RBM20: variants seen among roughly 807,000 people sequenced by gnomAD.
RBM20 encodes the protein RNA-binding protein 20.
RBM20 carries 51 observed loss-of-function variants against 110.1 expected under a neutral mutation model. The observed-to-expected ratio is 0.46, with a 90% CI of 0.37 to 0.59. The LOEUF (loss-of-function observed/expected upper bound fraction) is 0.59, where lower values mean the gene tolerates loss of function less well. RBM20 is among the 20% of genes least tolerant of loss of function. RBM20 has a pLI of 0.00. For missense variants in RBM20, 1,512 were observed against 1,574.9 expected, an observed-to-expected ratio of 0.96 and a Z score of 0.68; for synonymous variants, 589 against 618.2, an observed-to-expected ratio of 0.95 and a Z score of 0.70.
chr10:110,698,119 A>C (rs1042975142), intron 1 of RBM20, among the ~76,000 whole-genome samples: 5 of 152,052 alleles, frequency 3.3e-5, no homozygotes, highest in African/African-American at 1.2e-4. Flanking sequence ...TGTGTTAGCC[A>C]GGATAGTCTC....
intron 1 of RBM20, among the ~76,000 whole-genome samples, chr10:110,723,442 A>T (rs1843530628): frequency 1.3e-5 from 2 of 152,206 alleles, no homozygotes; most frequent in South Asian, 2.1e-4. Context: ...GGGATAATGT[A>T]GGAGTGGAAT....
intron 12 of RBM20, chr10:110,827,841 A>G (rs1330530534): frequency 6.6e-6 from 1 of 152,134 alleles, no homozygotes; most frequent in African/African-American, 2.4e-5. Context: ...ACTGGCATGG[A>G]GACTTCTAGG....
intron 6 of RBM20, 112 bp from the exon 7 acceptor site, chr10:110,799,670 CCGTTG>C: frequency 1.0e-6 from 1 of 971,266 alleles, no homozygotes; most frequent in Non-Finnish European, 1.5e-6. Flanking sequence ...ACTCCTGTCA[CCGTTG>C]ATTAGTTTTG....
chr10:110,742,606 T>C (rs1014466947), intron 1 of RBM20, among the ~76,000 whole-genome samples: 2 of 152,200 alleles, frequency 1.3e-5, no homozygotes, highest in Admixed American at 1.3e-4. Context: ...CGAACTTCTT[T>C]GTACAGAAGT....
At chr10:110,740,192 G>C (rs972607949) in intron 1 of RBM20, among the ~76,000 whole-genome samples, 5 of 152,264 alleles carry the variant, frequency 3.3e-5, no homozygotes, top group African/African-American at 9.6e-5. Flanking sequence ...GTAACCATCT[G>C]TTGGCTTGGG....
chr10:110,716,011 C>G (rs1863010657), intron 1 of RBM20, among the ~76,000 whole-genome samples: 1 of 152,224 alleles, frequency 6.6e-6, no homozygotes, highest in East Asian at 1.9e-4. Context: ...TCTTGGTTCC[C>G]TCACTCACTT....
intron 12 of RBM20, among the ~76,000 whole-genome samples, chr10:110,826,006 G>T (rs1844975956): frequency 6.6e-6 from 1 of 152,212 alleles, no homozygotes; most frequent in Admixed American, 6.5e-5. Context: ...TTGTTCAGTG[G>T]TATGTGTATG....
intron 13 of RBM20, 193 bp from the exon 14 acceptor site, chr10:110,835,675 C>T: frequency 2.1e-6 from 1 of 485,120 alleles, no homozygotes; most frequent in South Asian, 3.5e-5. Flanking sequence ...GTATTACTTG[C>T]AAGCTAACAT....
chr10:110,773,029 A>G (rs1309070863), intron 1 of RBM20, among the ~76,000 whole-genome samples: 1 of 152,242 alleles, frequency 6.6e-6, no homozygotes, highest in Non-Finnish European at 1.5e-5. Context: ...CTAGGATCCC[A>G]CAGGGAGTGA....
chr10:110,762,091 G>C (rs1844012555), intron 1 of RBM20, among the ~76,000 whole-genome samples: 1 of 152,198 alleles, frequency 6.6e-6, no homozygotes, highest in Non-Finnish European at 1.5e-5. Flanking sequence ...GAAATACAAA[G>C]TCTTTGGAAT....
At chr10:110,784,537 C>T (rs1000671224) in intron 4 of RBM20, 105 bp downstream of exon 4, 2 of 879,800 alleles carry the variant, frequency 2.3e-6, no homozygotes, top group African/African-American at 3.3e-5. Flanking sequence ...GTCCCCTTCT[C>T]ACGGATGTAG....
At chr10:110,803,470 C>G (rs1313938710) in intron 7 of RBM20, among the ~76,000 whole-genome samples, 1 of 152,136 alleles carries the variant, frequency 6.6e-6, no homozygotes. Context: ...GTTGTGAAAA[C>G]TCACTTTGAT....
rs1340565859 is a variant in RBM20 at position 110,644,927 on chromosome 10, A to AT, written c.191+284dup. 6.6e-6 allele frequency among the ~76,000 whole-genome samples: 1 copy of AT among 152,030 alleles called. No individual in the cohort carries two copies. Among genetic ancestry groups the AT allele is most frequent in the Non-Finnish European group, 1.5e-5 (1 of 68,020 alleles). On this transcript the variant is annotated intron_variant, in intron 1 of 13. Coordinates refer to ENST00000369519, the MANE Select transcript of RBM20 (RefSeq NM_001134363.3). The surrounding 1 kb of genome is among the most constrained non-coding windows in gnomAD (Gnocchi z 4.3). The stretch of plus-strand genomic sequence containing the variant: ...GATATTTTGAACTAAAATAGCTCAG[A>AT]TTGGGGGGAAATGGCCCAGCGACTG...
chr10:110,689,760 G>A (rs1862559636), intron 1 of RBM20, among the ~76,000 whole-genome samples: 1 of 152,188 alleles, frequency 6.6e-6, no homozygotes, highest in Admixed American at 6.5e-5. Flanking sequence ...TTGGCATAGA[G>A]TATAAAGCCT....
At chr10:110,747,964 C>T (rs770518486) in intron 1 of RBM20, among the ~76,000 whole-genome samples, 13 of 152,220 alleles carry the variant, frequency 8.5e-5, no homozygotes, top group Non-Finnish European at 1.5e-4. Context: ...TGAAATATTA[C>T]GTGTTTAAAC....
rs539979054 is a variant in RBM20, at chr10:110,651,795, G to A, written c.191+7150G>A. On this transcript the variant is annotated intron_variant, in intron 1 of 13. Transcript: ENST00000369519. The stretch of plus-strand genomic sequence containing the variant: ...TAGTTGTCCCAAAGCTGGGCCTCAT[G>A]CTTCCGTGTAGCCTCACTGAATCAG... Among the ~76,000 whole-genome samples, 3 of 152,326 alleles carry A rather than the reference G, an allele frequency of 2.0e-5. No individual in the cohort carries two copies. In the East Asian group the frequency reaches 5.8e-4, roughly 29 times the overall value.
At chr10:110,650,217 A>G (rs996365029) in intron 1 of RBM20, among the ~76,000 whole-genome samples, 1 of 152,194 alleles carries the variant, frequency 6.6e-6, no homozygotes, top group East Asian at 1.9e-4. Flanking sequence ...TCCATTTAAT[A>G]TGATAAACTC....
At chr10:110,688,943 T>C (rs1446692177) in intron 1 of RBM20, among the ~76,000 whole-genome samples, 5 of 152,056 alleles carry the variant, frequency 3.3e-5, no homozygotes, top group African/African-American at 9.7e-5. Flanking sequence ...TTTTTTTTAA[T>C]CTCCTTTACA....
chr10:110,729,901 C>T (rs1048460360), intron 1 of RBM20, among the ~76,000 whole-genome samples: 3 of 152,210 alleles, frequency 2.0e-5, no homozygotes, highest in Non-Finnish European at 2.9e-5. Context: ...CTGCGACCTA[C>T]GCCTCCCAGG....
Sources: gnomAD v4.1 joint callset for allele counts (sites outside exome capture counted in the v4.1 genomes callset) on GRCh38, gnomAD v4.1.1 for gene constraint, Gnocchi (gnomAD v3.1) non-coding constraint, MANE v1.5 for transcripts, NCBI Gene and HGNC (gene_info 2026-07-23, HGNC 2026-07-21) for gene names.